ETV1: variants seen among roughly 807,000 people sequenced by gnomAD.
ETV1 encodes the protein ETS translocation variant 1.
Under a neutral mutation model 62.3 loss-of-function variants are expected in ETV1, and 27 were observed. The ratio of observed to expected loss-of-function variants is 0.43; its 90% CI spans 0.32 to 0.60. The LOEUF is 0.60. Among genes scored for constraint, ETV1 ranks in the 20% least tolerant of loss-of-function variants. The pLI is 0.06. For synonymous variants in ETV1, 222 were observed against 199.6 expected (o/e 1.11, Z -0.94); for missense variants, 605 against 605.8 (o/e 1.00, Z 0.01).
intron 6 of ETV1, among the ~76,000 whole-genome samples, chr7:13,940,050 T>C (rs1299585533): frequency 2.0e-5 from 3 of 152,140 alleles, no homozygotes; most frequent in African/African-American, 7.2e-5. Flanking sequence ...GAATCACAGC[T>C]GTAAATCCAA....
At chr7:13,973,288 T>C (rs1359394108) in intron 6 of ETV1, among the ~76,000 whole-genome samples, 1 of 152,162 alleles carries the variant, frequency 6.6e-6, no homozygotes, top group Admixed American at 6.5e-5. Context: ...GAAACCTGAT[T>C]ACTCACATTT....
At chr7:13,930,131 T>G (rs1785917013) in intron 9 of ETV1, among the ~76,000 whole-genome samples, 1 of 152,174 alleles carries the variant, frequency 6.6e-6, no homozygotes, top group Admixed American at 6.5e-5. Flanking sequence ...ATGTTAACAA[T>G]ATTTTACAGG....
At chr7:13,902,516 G>A (rs1003635360) in intron 12 of ETV1, among the ~76,000 whole-genome samples, 4 of 148,502 alleles carry the variant, frequency 2.7e-5, no homozygotes, top group Non-Finnish European at 3.0e-5. Context: ...GAATTGAAGC[G>A]GGGGTGGGGG....
chr7:13,915,693 T>G (rs560796812), intron 9 of ETV1, among the ~76,000 whole-genome samples: 2 of 152,342 alleles, frequency 1.3e-5, no homozygotes, highest in African/African-American at 4.8e-5. Flanking sequence ...CATGTCAAAT[T>G]GAGTGCACTC....
rs936225135 is a variant in ETV1, at chr7:13,939,166, C to G, written c.316G>C (p.Glu106Gln). The G allele has an allele frequency of 3.7e-5, 59 of 1,613,228 alleles. No homozygotes were observed. Among genetic ancestry groups the G allele is most frequent in the Non-Finnish European group, 4.9e-5 (58 of 1,179,712 alleles). ...CSEISSACSQ[E>Q]QPFKFSYGEK... ...CCATAGCTGAATTTAAAGGGCTGTT[C>G]TTGACTGCAGGCAGAGCTGATTTCT... The change falls in exon 7 of 14, where the codon GAA (glutamate) becomes CAA (glutamine). Residue 106 changes from glutamate (E) to glutamine (Q), a missense_variant. Physicochemically the swap from Glu to Gln is conservative, Grantham distance 29. Coordinates refer to ENST00000430479, the MANE Select transcript of ETV1 (RefSeq NM_004956.5).
intron 11 of ETV1, 58 bp downstream of exon 11, chr7:13,909,574 G>T: frequency 1.6e-6 from 2 of 1,234,592 alleles, no homozygotes; most frequent in Non-Finnish European, 2.4e-6. Flanking sequence ...CAGAAGAAGC[G>T]AAGGTAATCA....
intron 13 of ETV1, among the ~76,000 whole-genome samples, chr7:13,900,156 T>C (rs947398758): frequency 4.6e-5 from 7 of 151,994 alleles, no homozygotes; most frequent in Admixed American, 3.9e-4. Context: ...AAAAAGCTAC[T>C]TTCAAATATT....
chr7:13,944,075 C>T lies in ETV1; in HGVS notation c.236-4829G>A, dbSNP rs79591645. 2.6e-3 allele frequency among the ~76,000 whole-genome samples: 396 copies of T among 152,212 alleles called. 4 individuals are homozygous for T. In the East Asian group the frequency reaches 0.03, roughly 11 times the overall value. The stretch of plus-strand genomic sequence containing the variant: ...TGGCTGCTAGCATAACAACAGCCTT[C>T]TATCAAAATGTCCATTAGCATGGAC... On this transcript the variant is annotated intron_variant, in intron 6 of 13. Transcript: ENST00000430479.
At chr7:13,918,120 C>T (rs1023242989) in intron 9 of ETV1, among the ~76,000 whole-genome samples, 10 of 152,118 alleles carry the variant, frequency 6.6e-5, no homozygotes, top group African/African-American at 1.4e-4. Flanking sequence ...AAAAAACATA[C>T]CATGAACAGC....
Position 13,893,075 on chromosome 7 carries a change from A to C in ETV1, c.*2791T>G, listed in dbSNP as rs900219532. ...TTCTGAAGCACTTTTCATGGACATA[A>C]CAAGAAAAATTATTTTTACTTAGTT... On this transcript the variant is annotated 3_prime_UTR_variant, in exon 14 of 14. Transcript: ENST00000430479. 36 of 232,732 alleles carry C rather than the reference A, an allele frequency of 1.5e-4. 1 individual carries two copies. Among genetic ancestry groups the C allele is most frequent in the Non-Finnish European group, 4.2e-5 (5 of 117,834 alleles). 14.4% of individuals were successfully genotyped at this position (232,732 alleles called of 1,614,324 possible).
rs1262376457 is a variant in ETV1 at position 13,906,456 on chromosome 7, C to G, written c.1084G>C (p.Glu362Gln). The G allele has an allele frequency of 1.2e-6, 2 of 1,605,638 alleles. No homozygotes were observed. The highest frequency in any genetic ancestry group is 1.7e-6 in the Non-Finnish European group (2 of 1,176,296). Residue 362 changes from glutamate to glutamine, a missense_variant, in exon 12 of 14, where the codon GAA becomes CAA. Physicochemically the swap from Glu to Gln is conservative, Grantham distance 29. Around this residue, in one of 3 missense-constraint regions of ETV1, gnomAD observed 100 missense variants for 156.4 expected, o/e 0.64. Transcript: ENST00000430479. ...TCTTCAGGCTCAATCAGTTTAAATTCCATGCCTCGACCAGTCCAGGCAATA... is the reference window on the plus strand; with the variant it reads ...TCTTCAGGCTCAATCAGTTTAAATTGCATGCCTCGACCAGTCCAGGCAATA... ...HFIAWTGRGMEFKLIEPEEVA... is the reference protein window; with the variant it reads ...HFIAWTGRGMQFKLIEPEEVA...
chr7:13,939,866 T>C (rs1787276606), intron 6 of ETV1, among the ~76,000 whole-genome samples: 1 of 152,214 alleles, frequency 6.6e-6, no homozygotes, highest in Non-Finnish European at 1.5e-5. Context: ...GAGAAATATG[T>C]AAATGTTGTT....
intron 5 of ETV1, chr7:13,986,294 C>A: frequency 6.6e-7 from 1 of 1,506,600 alleles, no homozygotes; most frequent in South Asian, 1.3e-5. Context: ...GGTTCTGGCT[C>A]TAGGAGGTCT....
intron 8 of ETV1, 43 bp from the exon 9 acceptor site, chr7:13,931,792 G>A: frequency 6.2e-7 from 1 of 1,601,386 alleles, no homozygotes; most frequent in Non-Finnish European, 8.5e-7. Flanking sequence ...CGGTAACATG[G>A]AACATTCTTT....
At chr7:13,914,045 G>T (rs1052641468) in intron 9 of ETV1, among the ~76,000 whole-genome samples, 7 of 151,822 alleles carry the variant, frequency 4.6e-5, no homozygotes, top group Non-Finnish European at 2.9e-5. Context: ...CAGCATGCCT[G>T]GCTAATTTTT....
At chr7:13,908,355 C>T (rs1161817898) in intron 11 of ETV1, among the ~76,000 whole-genome samples, 1 of 151,746 alleles carries the variant, frequency 6.6e-6, no homozygotes, top group Non-Finnish European at 1.5e-5. Flanking sequence ...TCTTATATGC[C>T]CTTACTAATT....
intron 7 of ETV1, among the ~76,000 whole-genome samples, chr7:13,938,691 T>G (rs183275874): frequency 6.1e-4 from 93 of 152,348 alleles, no homozygotes; most frequent in African/African-American, 2.1e-3. Context: ...TTTATTGCAA[T>G]TGTCCATGAA....
At chr7:13,896,671 G>A (rs1554288340) in intron 13 of ETV1, among the ~76,000 whole-genome samples, 1 of 54,530 alleles carries the variant, frequency 1.8e-5, no homozygotes, top group South Asian at 6.6e-4. Context: ...AGAAAGGAAA[G>A]AAATAAAGAA....
intron 6 of ETV1, among the ~76,000 whole-genome samples, chr7:13,972,324 TGGG>T (rs1360790149): frequency 6.6e-6 from 1 of 151,720 alleles, no homozygotes; most frequent in Non-Finnish European, 1.5e-5. Flanking sequence ...CCCAGCTACT[TGGG>T]AGGCTGAAGT....
Sources: gnomAD v4.1 joint callset for allele counts (sites outside exome capture counted in the v4.1 genomes callset) on GRCh38, gnomAD v4.1.1 for gene constraint, gnomAD v4.1.1 regional missense constraint, MANE v1.5 for transcripts, NCBI Gene and HGNC (gene_info 2026-07-23, HGNC 2026-07-21) for gene names.